The following CLTC variants were observed in gnomAD, a reference collection of about 807,000 sequenced individuals.
The protein encoded by CLTC is clathrin heavy chain 1.
In CLTC, 16 loss-of-function variants were observed where a neutral mutation model predicts 195.8. That is an observed-to-expected ratio of 0.08 (90% CI 0.06 to 0.12). The LOEUF is 0.12. Ranked by LOEUF, CLTC falls within the 10% of genes least tolerant of loss-of-function variation. The pLI is 1.00. For synonymous variants in CLTC, 667 were observed against 689.4 expected (o/e 0.97, Z 0.51); for missense variants, 796 against 2,027.0 (o/e 0.39, Z 11.66).
In CLTC at chr17:59,683,899, C is replaced by T. The variant is rs1411136384; in HGVS notation, c.4348C>T (p.Pro1450Ser). 1.2e-6 allele frequency: 2 copies of T among 1,613,766 alleles called. No individual in the cohort carries two copies. The highest frequency in any genetic ancestry group is 1.7e-5 in the Admixed American group (1 of 60,022). Residue 1450 changes from proline (P) to serine (S), a missense_variant, in exon 28 of 32, where the codon CCG becomes TCG. Coordinates refer to ENST00000269122, the MANE Select transcript of CLTC (RefSeq NM_004859.4). The surrounding 1 kb of genome is among the most constrained non-coding windows in gnomAD (Gnocchi z 6.1). ...GGTTAAACAGCTACCACTGGTGAAA[C>T]CGTATTTGCGTTCAGTTCAGAACCA... Reference protein sequence around the residue: ...SKVKQLPLVKPYLRSVQNHNN... With the variant: ...SKVKQLPLVKSYLRSVQNHNN...
intron 1 of CLTC, among the ~76,000 whole-genome samples, chr17:59,643,135 GTGTGTGTGTGTGTGT>G (rs2032089134): frequency 7.2e-6 from 1 of 138,626 alleles, no homozygotes; most frequent in Non-Finnish European, 1.5e-5. Context: ...TTTCTGGGGT[GTGTGTGTGTGTGTGT>G]GTGTGTGTGT....
intron 14 of CLTC, among the ~76,000 whole-genome samples, chr17:59,671,719 A>G (rs1423168173): frequency 6.6e-6 from 1 of 152,048 alleles, no homozygotes; most frequent in East Asian, 1.9e-4. Flanking sequence ...CTTCAACCAC[A>G]CTGGCCTGCT....
chr17:59,679,553 A>G (rs780920202), intron 18 of CLTC, 34 bp downstream of exon 18: 23 of 1,532,072 alleles, frequency 1.5e-5, no homozygotes, highest in Non-Finnish European at 1.9e-5. Flanking sequence ...GGCTGTCAGT[A>G]AAAATTATAC....
At chr17:59,641,603 C>CAAAAAAAAAAAAAAAA (rs34208843) in intron 1 of CLTC, among the ~76,000 whole-genome samples, 1 of 48,848 alleles carries the variant, frequency 2.0e-5, no homozygotes, top group Non-Finnish European at 3.4e-5. Flanking sequence ...GACTCCATCT[C>CAAAAAAAAAAAAAAAA]AAAAAAAAAA....
rs2033436108 is a variant in CLTC, at chr17:59,696,715, G to A, written c.*2863G>A. 9.6e-6 allele frequency: 2 copies of A among 208,096 alleles called. No individual in the cohort carries two copies. Among genetic ancestry groups the A allele is most frequent in the Non-Finnish European group, 2.0e-5 (2 of 102,230 alleles). The allele number at this position is 208,096 out of a possible 1,614,324, so 12.9% of individuals were successfully genotyped here. A position where few individuals can be genotyped will look rare whatever the true frequency, so the allele number is the denominator to read the frequency against. On this transcript the variant is annotated 3_prime_UTR_variant, in exon 32 of 32. Transcript: ENST00000269122. ...AGTTCTAGGAAAAAATACTAGCAGG[G>A]ATGACAAACTACGTTCACTTTACAG... is the stretch of plus-strand genomic sequence containing the variant.
At position 59,694,323 on chromosome 17, in the gene CLTC, T is replaced by C. The variant is rs1320858760; in HGVS notation, c.*471T>C. ...ACTGGCATATGACCATGCAAGACTG[T>C]CAGTGCCAACAAAGACAACACTAAT... On this transcript the variant is annotated 3_prime_UTR_variant, in exon 32 of 32. Transcript: ENST00000269122. The C allele has an allele frequency of 4.5e-6, 1 of 222,836 alleles. No homozygotes were observed. The highest frequency in any genetic ancestry group is 9.0e-6 in the Non-Finnish European group (1 of 111,336). The allele number at this position is 222,836 out of a possible 1,614,324, so 13.8% of individuals were successfully genotyped here.
intron 4 of CLTC, among the ~76,000 whole-genome samples, chr17:59,649,763 A>T (rs1248699457): frequency 1.3e-5 from 2 of 152,238 alleles, no homozygotes; most frequent in Non-Finnish European, 2.9e-5. Context: ...TGAATTGAGG[A>T]TAATGCTACC....
intron 13 of CLTC, 93 bp downstream of exon 13, chr17:59,667,070 T>C: frequency 9.5e-7 from 1 of 1,054,870 alleles, no homozygotes; most frequent in Middle Eastern, 2.8e-4. Flanking sequence ...TTTGTTTTTC[T>C]AAAAATTTGG....
In CLTC at chr17:59,673,694, A is replaced by G. The variant is rs1484843880; in HGVS notation, c.2340A>G (p.Arg780=). Residue 780 remains arginine, a synonymous_variant, in exon 15 of 32, where the codon CGA becomes CGG. Coordinates refer to ENST00000269122, the MANE Select transcript of CLTC (RefSeq NM_004859.4). ...TACCACTTATCATTGTGTGTGATCG[A>G]TTTGACTTTGTCCATGATTTGGTGC... ...DQLPLIIVCD[R]FDFVHDLVLY... is the part of the protein sequence containing the mutation. The G allele has an allele frequency of 1.9e-6, 3 of 1,609,086 alleles. No individual in the cohort carries two copies. Among genetic ancestry groups the G allele is most frequent in the Non-Finnish European group, 2.6e-6 (3 of 1,175,786 alleles).
intron 1 of CLTC, among the ~76,000 whole-genome samples, chr17:59,623,146 G>A (rs1386578720): frequency 1.3e-5 from 2 of 151,958 alleles, no homozygotes; most frequent in Non-Finnish European, 2.9e-5. Context: ...AGATTCTTTG[G>A]GTCTTCAATT....
chr17:59,661,661 G>T lies in CLTC; in HGVS notation c.1368+18G>T, dbSNP rs182617680. On this transcript the variant is annotated intron_variant, in intron 8 of 31. Transcript: ENST00000269122. Reference sequence around the variant, plus strand: ...AAGATAAGGTACGTTAAATTATGTTGACATAATCTTGCTTTGGTTGCATTA... The same window carrying T: ...AAGATAAGGTACGTTAAATTATGTTTACATAATCTTGCTTTGGTTGCATTA... The T allele has an allele frequency of 6.2e-6, 10 of 1,603,554 alleles. No individual in the cohort carries two copies. In the East Asian group the frequency reaches 2.2e-4, roughly 36 times the overall value.
At chr17:59,638,670 C>G (rs2031940860) in intron 1 of CLTC, among the ~76,000 whole-genome samples, 1 of 152,092 alleles carries the variant, frequency 6.6e-6, no homozygotes, top group Non-Finnish European at 1.5e-5. Context: ...TTGCACAGTT[C>G]ACAATAGGGT....
rs1192585429 is a variant in CLTC at position 59,625,679 on chromosome 17, GA to G, written c.42+5509del. Among the ~76,000 whole-genome samples, 4 of 152,238 alleles carry G rather than the reference GA, an allele frequency of 2.6e-5. No homozygotes were observed. In the South Asian group the frequency reaches 6.2e-4, roughly 24 times the overall value. On this transcript the variant is annotated intron_variant, in intron 1 of 31. Coordinates refer to ENST00000269122, the MANE Select transcript of CLTC (RefSeq NM_004859.4). ...TAAACAAACAAAAATGAAGAAAAAG[GA>G]AAGCAGATATGCAATACTTCAGTGA...
intron 1 of CLTC, among the ~76,000 whole-genome samples, chr17:59,639,541 T>G (rs915412853): frequency 2.6e-5 from 4 of 152,212 alleles, no homozygotes; most frequent in African/African-American, 9.6e-5. Context: ...GATAATAAAA[T>G]GTAGCTGTAG....
chr17:59,662,812 C>T (rs1232004647), intron 8 of CLTC, among the ~76,000 whole-genome samples: 1 of 152,062 alleles, frequency 6.6e-6, no homozygotes, highest in Admixed American at 6.5e-5. Flanking sequence ...TGGTGGCTTA[C>T]GCCTGTAATC....
chr17:59,631,573 A>G (rs1490616641), intron 1 of CLTC, among the ~76,000 whole-genome samples: 2 of 152,264 alleles, frequency 1.3e-5, no homozygotes, highest in Admixed American at 6.5e-5. Context: ...AACAGAAAAC[A>G]TACATAAACA....
In CLTC at chr17:59,644,444, G is replaced by A; in HGVS notation, c.211G>A (p.Ala71Thr). 1.2e-6 allele frequency: 2 copies of A among 1,613,872 alleles called. No individual in the cohort carries two copies. The highest frequency in any genetic ancestry group is 1.7e-6 in the Non-Finnish European group (2 of 1,179,992). Residue 71 changes from alanine (A) to threonine (T), a missense_variant, in exon 2 of 32, where the codon GCC (alanine) becomes ACC (threonine). Physicochemically the swap from Ala to Thr is moderately conservative, Grantham distance 58 (BLOSUM62 0). This residue lies in a region of CLTC where 293 missense variants were observed against 795.6 expected (regional missense o/e 0.37). Transcript: ENST00000269122. The part of the protein sequence containing the change: ...PIRRPISADS[A>T]IMNPASKVIA... ...TCGAAGACCAATTTCAGCAGACAGCGCCATCATGAATCCAGCTAGCAAAGT... is the reference window on the plus strand; with the variant it reads ...TCGAAGACCAATTTCAGCAGACAGCACCATCATGAATCCAGCTAGCAAAGT...
Position 59,696,610 on chromosome 17 carries a change from A to G in CLTC, c.*2758A>G, listed in dbSNP as rs771286649. ...CTGCCTCATATTCTGGGTAACTGGT[A>G]TAACATAGTAATTATTAGGATTGTA... On this transcript the variant is annotated 3_prime_UTR_variant, in exon 32 of 32. Transcript: ENST00000269122. The G allele has an allele frequency of 2.1e-4, 45 of 212,894 alleles. No homozygotes were observed. Among genetic ancestry groups the G allele is most frequent in the Non-Finnish European group, 4.0e-4 (42 of 105,282 alleles). 13.2% of individuals were successfully genotyped at this position (212,894 alleles called of 1,614,324 possible).
Position 59,651,386 on chromosome 17 carries a change from C to T in CLTC, c.795+70C>T, listed in dbSNP as rs1567946079. The T allele has an allele frequency of 1.4e-5, 14 of 996,074 alleles. No homozygotes were observed. In the Admixed American group the frequency reaches 2.6e-4, roughly 18 times the overall value. The allele number at this position is 996,074 out of a possible 1,614,324, so 61.7% of individuals were successfully genotyped here. A position where few individuals can be genotyped will look rare whatever the true frequency, so the allele number is the denominator to read the frequency against. On this transcript the variant is annotated intron_variant, in intron 5 of 31. Transcript: ENST00000269122. ...AAAAGAAATTAACCCAAAGACTATTCATGGTAGATATAATTTAAGTGATGC... is the reference window on the plus strand; with the variant it reads ...AAAAGAAATTAACCCAAAGACTATTTATGGTAGATATAATTTAAGTGATGC...
Sources: gnomAD v4.1 joint callset for allele counts (sites outside exome capture counted in the v4.1 genomes callset) on GRCh38, gnomAD v4.1.1 for gene constraint, gnomAD v4.1.1 regional missense constraint, Gnocchi (gnomAD v3.1) non-coding constraint, MANE v1.5 for transcripts, NCBI Gene and HGNC (gene_info 2026-07-23, HGNC 2026-07-21) for gene names.